TRIM35: variants seen among roughly 807,000 people sequenced by gnomAD.
TRIM35 encodes the protein tripartite motif containing 35.
Under a neutral mutation model 49.1 loss-of-function variants are expected in TRIM35, and 37 were observed. That is an observed-to-expected ratio of 0.75 (90% CI 0.58 to 0.99). The LOEUF (loss-of-function observed/expected upper bound fraction) is 0.99. Among genes scored for constraint, TRIM35 ranks in the 50% least tolerant of loss-of-function variants. The pLI is 0.00. For missense variants in TRIM35, 648 were observed against 702.7 expected (o/e 0.92, Z 0.88); for synonymous variants, 302 against 289.3 (o/e 1.04, Z -0.45).
At position 27,294,211 on chromosome 8, in the gene TRIM35, C is replaced by A; in HGVS notation, c.631G>T (p.Glu211Ter). 6.2e-7 allele frequency: 1 copy of A among 1,614,218 alleles called. No homozygotes were observed. Among genetic ancestry groups the A allele is most frequent in the Non-Finnish European group, 8.5e-7 (1 of 1,180,048 alleles). ...AGAAGTTGCTTCTGCCTTGTCTCCT[C>A]GGCCATGGCATCCAGAATGGCCTGC... ...EEQAILDAMA[E>*]ETRQKQLLAD... Residue 211 changes from glutamate (E) to a stop codon, truncating the protein, a stop_gained, in exon 3 of 6, where the codon GAG becomes TAG. Transcript: ENST00000305364. LOFTEE classifies it high-confidence loss of function.
chr8:27,305,866 C>T (rs957227191), intron 1 of TRIM35, among the ~76,000 whole-genome samples: 1 of 152,164 alleles, frequency 6.6e-6, no homozygotes, highest in African/African-American at 2.4e-5. Context: ...GATACAGGGT[C>T]TCACACTGTT....
At position 27,294,110 on chromosome 8, in the gene TRIM35, C is replaced by T. The variant is rs748535237; in HGVS notation, c.732G>A (p.Glu244=). 3 of 1,614,212 alleles carry T rather than the reference C, an allele frequency of 1.9e-6. No homozygotes were observed. Among genetic ancestry groups the T allele is most frequent in the Admixed American group, 1.7e-5 (1 of 60,030 alleles). ...GAAAAGAAACGTCGTCCTCCTTCAT[C>T]TCCATCTGCAGCCGCTCGATCTCAT... ...LAHEIERLQM[E]MKEDDVSFLM... Residue 244 remains glutamate (E), a synonymous_variant, in exon 3 of 6, where the codon GAG becomes GAA. Coordinates refer to ENST00000305364, the MANE Select transcript of TRIM35 (RefSeq NM_171982.5).
chr8:27,287,940 C>T lies in TRIM35; in HGVS notation c.1092G>A (p.Gly364=). The change falls in exon 6 of 6, where the codon GGG becomes GGA. Residue 364 remains glycine (G), a synonymous_variant. Coordinates refer to ENST00000305364, the MANE Select transcript of TRIM35 (RefSeq NM_171982.5). The surrounding 1 kb of genome is among the most constrained non-coding windows in gnomAD (Gnocchi z 6.0). ...GSHAWEVALG[G]LQSWRVGVVR... Reference sequence around the variant, plus strand: ...CCACGCCCACCCTCCAGCTCTGCAGCCCCCCAAGGGCCACCTCCCAGGCGT... The same window carrying T: ...CCACGCCCACCCTCCAGCTCTGCAGTCCCCCAAGGGCCACCTCCCAGGCGT... 1 of 1,612,958 alleles carries T rather than the reference C, an allele frequency of 6.2e-7. No individual in the cohort carries two copies. The highest frequency in any genetic ancestry group is 8.5e-7 in the Non-Finnish European group (1 of 1,179,838).
intron 1 of TRIM35, chr8:27,305,022 T>C (rs1403645202): frequency 4.2e-5 from 15 of 355,434 alleles, no homozygotes; most frequent in Non-Finnish European, 1.6e-5. Flanking sequence ...ATCTTGAACA[T>C]GTTCCTTCAC....
In TRIM35 at chr8:27,311,237, G is replaced by A. The variant is rs778127951; in HGVS notation, c.-2C>T. On this transcript the variant is annotated 5_prime_UTR_variant, in exon 1 of 6. Transcript: ENST00000305364. ...GGACACGTCGGGACTCCGCTCCATG[G>A]CACGAGCAGCCGGCTCGGGCGCCCG... The A allele has an allele frequency of 2.0e-6, 3 of 1,524,408 alleles. No individual in the cohort carries two copies. The Admixed American group carries it at 6.4e-5, about 32-fold the overall frequency. The allele number at this position is 1,524,408 out of a possible 1,614,324, so 94.4% of individuals were successfully genotyped here.
At chr8:27,291,010 G>A in intron 3 of TRIM35, among the ~76,000 whole-genome samples, 1 of 131,928 alleles carries the variant, frequency 7.6e-6, no homozygotes, top group South Asian at 2.6e-4. Context: ...TTTAATGGAG[G>A]AATAGTCTTT....
At chr8:27,299,514 G>A (rs1355342803) in intron 1 of TRIM35, among the ~76,000 whole-genome samples, 1 of 152,162 alleles carries the variant, frequency 6.6e-6, no homozygotes, top group Non-Finnish European at 1.5e-5. Context: ...AGAAAGTGAG[G>A]CACAGAAGGG....
At position 27,294,250 on chromosome 8, in the gene TRIM35, A is replaced by C; in HGVS notation, c.592T>G (p.Leu198Val). 1 of 1,614,176 alleles carries C rather than the reference A, an allele frequency of 6.2e-7. No individual in the cohort carries two copies. The highest frequency in any genetic ancestry group is 8.5e-7 in the Non-Finnish European group (1 of 1,180,042). ...RQEFDKLREF[L>V]RVEEQAILDA... ...AGAATGGCCTGCTCCTCCACTCTCAAGAACTCGCGAAGCTTATCAAACTCC... is the reference window on the plus strand; with the variant it reads ...AGAATGGCCTGCTCCTCCACTCTCACGAACTCGCGAAGCTTATCAAACTCC... Residue 198 changes from leucine (L) to valine (V), a missense_variant, in exon 3 of 6, where the codon TTG becomes GTG. By Grantham distance (32) the Leu-to-Val change is conservative. Coordinates refer to ENST00000305364, the MANE Select transcript of TRIM35 (RefSeq NM_171982.5).
Position 27,309,966 on chromosome 8 carries a change from T to A in TRIM35, c.435+835A>T, listed in dbSNP as rs186748491. ...AAGAGCACGCCACTGCACTCTAACCTGGGCGATAGAGGTCTCAAAAAAAAA... is the reference window on the plus strand; with the variant it reads ...AAGAGCACGCCACTGCACTCTAACCAGGGCGATAGAGGTCTCAAAAAAAAA... On this transcript the variant is annotated intron_variant, in intron 1 of 5. Coordinates refer to ENST00000305364, the MANE Select transcript of TRIM35 (RefSeq NM_171982.5). 6.6e-4 allele frequency among the ~76,000 whole-genome samples: 93 copies of A among 141,420 alleles called. 2 individuals are homozygous for A. The East Asian group carries it at 0.012, about 18-fold the overall frequency. The allele number at this position is 141,420 out of a possible 152,430, so 92.8% of individuals were successfully genotyped here.
At chr8:27,306,729 C>T (rs532606137) in intron 1 of TRIM35, among the ~76,000 whole-genome samples, 4 of 152,266 alleles carry the variant, frequency 2.6e-5, no homozygotes, top group African/African-American at 7.2e-5. Context: ...AAAGAATGTG[C>T]CGGACCCAAA....
intron 1 of TRIM35, among the ~76,000 whole-genome samples, chr8:27,306,849 G>C (rs1294872472): frequency 1.3e-5 from 2 of 152,184 alleles, no homozygotes; most frequent in African/African-American, 4.8e-5. Context: ...ATCTTGGCCA[G>C]GAGTAGAGAT....
intron 1 of TRIM35, among the ~76,000 whole-genome samples, chr8:27,305,273 A>G (rs921727585): frequency 1.3e-5 from 2 of 152,228 alleles, no homozygotes; most frequent in African/African-American, 4.8e-5. Context: ...GAGCTTTCTT[A>G]TGCAACTCCA....
At chr8:27,288,815 G>A (rs1802392335) in intron 5 of TRIM35, among the ~76,000 whole-genome samples, 1 of 152,218 alleles carries the variant, frequency 6.6e-6, no homozygotes, top group Non-Finnish European at 1.5e-5. Flanking sequence ...GCTCATGTGG[G>A]CTGCAGTCGC....
At chr8:27,308,222 C>T (rs896753421) in intron 1 of TRIM35, among the ~76,000 whole-genome samples, 2 of 152,216 alleles carry the variant, frequency 1.3e-5, no homozygotes, top group African/African-American at 4.8e-5. Context: ...TTTTAAACCA[C>T]CACATTTATT....
chr8:27,293,330 T>C (rs1236794197), intron 3 of TRIM35, among the ~76,000 whole-genome samples: 1 of 151,836 alleles, frequency 6.6e-6, no homozygotes, highest in Non-Finnish European at 1.5e-5. Context: ...CACTGGCTCA[T>C]GGGGAGGAAA....
chr8:27,298,103 A>G (rs1325614984), intron 2 of TRIM35, among the ~76,000 whole-genome samples: 1 of 152,208 alleles, frequency 6.6e-6, no homozygotes, highest in East Asian at 1.9e-4. Flanking sequence ...GGGGAATAGG[A>G]TTGCTGATGG....
chr8:27,294,267 T>C lies in TRIM35; in HGVS notation c.575A>G (p.Asp192Gly). Residue 192 changes from aspartate (D) to glycine (G), a missense_variant, in exon 3 of 6, where the codon GAT becomes GGT. By Grantham distance (94) the Asp-to-Gly change is moderately conservative (BLOSUM62 -1). Transcript: ENST00000305364. ...CACTCTCAAGAACTCGCGAAGCTTA[T>C]CAAACTCCTGCCGGATCCGGCCTTC... ...WLEGRIRQEF[D>G]KLREFLRVEE... The C allele has an allele frequency of 1.9e-6, 3 of 1,614,102 alleles. No individual in the cohort carries two copies. Among genetic ancestry groups the C allele is most frequent in the Non-Finnish European group, 2.5e-6 (3 of 1,180,044 alleles).
chr8:27,289,111 C>T (rs759824740), intron 5 of TRIM35, 51 bp downstream of exon 5: 2 of 1,509,326 alleles, frequency 1.3e-6, no homozygotes, highest in Non-Finnish European at 1.8e-6. Context: ...TCTTTGCTAA[C>T]ATGAAGGGCT....
In TRIM35 at chr8:27,311,086, C is replaced by A; in HGVS notation, c.150G>T (p.Glu50Asp). 1 of 1,597,136 alleles carries A rather than the reference C, an allele frequency of 6.3e-7. No individual in the cohort carries two copies. Among genetic ancestry groups the A allele is most frequent in the Non-Finnish European group, 8.5e-7 (1 of 1,172,816 alleles). ...CTGGGCAGGTGGGCGACACCTGCAC[C>A]TCCCAGCAGCGGCTCACGCACCCGC... The part of the protein sequence containing the change: ...FCRGCVSRCW[E>D]VQVSPTCPVC... Residue 50 changes from glutamate (E) to aspartate (D), a missense_variant, in exon 1 of 6, where the codon GAG becomes GAT. Coordinates refer to ENST00000305364, the MANE Select transcript of TRIM35 (RefSeq NM_171982.5).
Sources: allele counts gnomAD v4.1 joint callset (sites outside exome capture counted in the v4.1 genomes callset), GRCh38; gene constraint gnomAD v4.1.1; non-coding constraint Gnocchi (gnomAD v3.1); transcripts MANE v1.5; gene names NCBI Gene and HGNC (gene_info 2026-07-23, HGNC 2026-07-21).